PITPNC1: variants seen among roughly 807,000 people sequenced by gnomAD.
PITPNC1 encodes the protein cytoplasmic phosphatidylinositol transfer protein 1.
A neutral mutation model predicts 44.7 loss-of-function variants in PITPNC1; 18 were observed. The ratio of observed to expected loss-of-function variants is 0.40; its 90% CI spans 0.28 to 0.60. PITPNC1 has a LOEUF of 0.60. Ranked by LOEUF, PITPNC1 falls within the 20% of genes least tolerant of loss-of-function variation. The pLI is 0.39. For missense variants in PITPNC1, 290 were observed against 418.4 expected (o/e 0.69, Z 2.68); for synonymous variants, 141 against 149.6 (o/e 0.94, Z 0.42).
chr17:67,426,725 T>TAAAATA (rs914112213), intron 1 of PITPNC1, among the ~76,000 whole-genome samples: 1 of 48,254 alleles, frequency 2.1e-5, no homozygotes, highest in Non-Finnish European at 4.5e-5. Flanking sequence ...TCCCAGAACT[T>TAAAATA]AAAATAAAAA....
intron 5 of PITPNC1, among the ~76,000 whole-genome samples, chr17:67,599,034 A>ATATATATATTTT (rs1461493250): frequency 1.4e-4 from 5 of 35,676 alleles, no homozygotes; most frequent in South Asian, 1.3e-3. Context: ...ATATATATAT[A>ATATATATATTTT]TTTTTTTTTT....
chr17:67,467,156 C>G (rs1348939630), intron 1 of PITPNC1, among the ~76,000 whole-genome samples: 1 of 149,366 alleles, frequency 6.7e-6, no homozygotes. Flanking sequence ...AGTGATTCTC[C>G]TGCCTCAGCC....
chr17:67,546,777 G>C (rs1598805733), intron 2 of PITPNC1, among the ~76,000 whole-genome samples: 1 of 152,116 alleles, frequency 6.6e-6, no homozygotes, highest in Non-Finnish European at 1.5e-5. Flanking sequence ...AGTCCCTGCC[G>C]GGGAGGCCCC....
intron 6 of PITPNC1, among the ~76,000 whole-genome samples, chr17:67,647,470 T>TTTG (rs2042163562): frequency 7.4e-5 from 7 of 94,570 alleles, no homozygotes; most frequent in African/African-American, 4.1e-4. Flanking sequence ...TTGGGTTTTT[T>TTTG]TTTTTTTTTT....
intron 1 of PITPNC1, among the ~76,000 whole-genome samples, chr17:67,453,235 C>A (rs1164152513): frequency 6.6e-6 from 1 of 152,138 alleles, no homozygotes; most frequent in Non-Finnish European, 1.5e-5. Context: ...TGAATCAACT[C>A]AAAAGATGAG....
At chr17:67,459,791 C>G (rs530287841) in intron 1 of PITPNC1, 1 of 152,218 alleles carries the variant, frequency 6.6e-6, no homozygotes, top group South Asian at 2.1e-4. Context: ...CTTGTTGAGA[C>G]GGTAGGTATA....
intron 5 of PITPNC1, among the ~76,000 whole-genome samples, chr17:67,603,551 A>G (rs1305840324): frequency 6.6e-6 from 1 of 152,200 alleles, no homozygotes; most frequent in South Asian, 2.1e-4. Flanking sequence ...TGTCAGATCT[A>G]GGACTCAATT....
chr17:67,691,543 G>A (rs1186096477), intron 8 of PITPNC1, among the ~76,000 whole-genome samples: 1 of 151,944 alleles, frequency 6.6e-6, no homozygotes, highest in Non-Finnish European at 1.5e-5. Flanking sequence ...TCTTGGCTTT[G>A]GAATGATTAG....
At chr17:67,393,407 G>GT (rs371157971) in intron 1 of PITPNC1, among the ~76,000 whole-genome samples, 73 of 146,036 alleles carry the variant, frequency 5.0e-4, no homozygotes, top group Middle Eastern at 3.6e-3. Flanking sequence ...ATCTGATCAG[G>GT]TTTTTTTTTT....
chr17:67,636,523 A>T (rs2042035205), intron 6 of PITPNC1, among the ~76,000 whole-genome samples: 2 of 152,132 alleles, frequency 1.3e-5, no homozygotes, highest in Non-Finnish European at 2.9e-5. Flanking sequence ...CTCCCAGGGG[A>T]TCTGCTGGCA....
At position 67,609,628 on chromosome 17, in the gene PITPNC1, T is replaced by C. The variant is rs142152125; in HGVS notation, c.367-22515T>C. On this transcript the variant is annotated intron_variant, in intron 5 of 8. Coordinates refer to ENST00000581322, the MANE Select transcript of PITPNC1 (RefSeq NM_012417.4). ...TAAGCACTGGAGAAAAAAGGACAGC[T>C]GCCTGTGCTGAAAAGTCACCCCAAG... Among the ~76,000 whole-genome samples the C allele has an allele frequency of 9.1e-4, 138 of 152,136 alleles. 2 individuals carry two copies. In the East Asian group the frequency reaches 0.026, roughly 28 times the overall value.
chr17:67,588,474 A>G (rs886875705), intron 5 of PITPNC1, among the ~76,000 whole-genome samples: 1 of 152,072 alleles, frequency 6.6e-6, no homozygotes, highest in African/African-American at 2.4e-5. Context: ...GCAACATGAA[A>G]TCTCATACCG....
intron 1 of PITPNC1, among the ~76,000 whole-genome samples, chr17:67,506,761 T>A (rs1174586773): frequency 2.0e-5 from 3 of 152,158 alleles, no homozygotes; most frequent in Non-Finnish European, 4.4e-5. Flanking sequence ...CCATTGATAA[T>A]TTTTGAAGAA....
At chr17:67,399,262 C>T (rs1251316662) in intron 1 of PITPNC1, among the ~76,000 whole-genome samples, 1 of 152,092 alleles carries the variant, frequency 6.6e-6, no homozygotes. Context: ...ATCTGCTCAC[C>T]TCGGCCTCCC....
intron 5 of PITPNC1, among the ~76,000 whole-genome samples, chr17:67,586,682 A>G (rs75192386): frequency 0.14 from 21,960 of 152,194 alleles, 1,952 homozygotes; most frequent in South Asian, 0.25. Flanking sequence ...TTACCTAACC[A>G]TGATTCCACT....
intron 4 of PITPNC1, among the ~76,000 whole-genome samples, chr17:67,562,879 TA>T (rs1178589864): frequency 2.0e-5 from 3 of 152,184 alleles, no homozygotes; most frequent in African/African-American, 7.2e-5. Flanking sequence ...AATGGGGAGA[TA>T]AAAATTTTTT....
At chr17:67,381,983 TC>T (rs2037968091) in intron 1 of PITPNC1, among the ~76,000 whole-genome samples, 1 of 152,174 alleles carries the variant, frequency 6.6e-6, no homozygotes. Context: ...ACATTGAGAT[TC>T]AGAAGGGTTA....
At chr17:67,573,090 G>C (rs968898684) in intron 4 of PITPNC1, among the ~76,000 whole-genome samples, 16 of 152,190 alleles carry the variant, frequency 1.1e-4, no homozygotes, top group African/African-American at 3.9e-4. Context: ...GCAGTTTGTG[G>C]AATTGGCTAC....
intron 5 of PITPNC1, among the ~76,000 whole-genome samples, chr17:67,618,834 A>G (rs117562441): frequency 0.074 from 11,185 of 152,128 alleles, 673 homozygotes; most frequent in South Asian, 0.26. Flanking sequence ...CGAGACGGGC[A>G]GGATCACGAG....
Sources: allele counts gnomAD v4.1 joint callset (sites outside exome capture counted in the v4.1 genomes callset), GRCh38; gene constraint gnomAD v4.1.1; transcripts MANE v1.5; gene names NCBI Gene and HGNC (gene_info 2026-07-23, HGNC 2026-07-21).